TBCD: variants seen among roughly 807,000 people sequenced by gnomAD.
The protein encoded by TBCD is tubulin folding cofactor D.
TBCD carries 105 observed loss-of-function variants against 169.3 expected under a neutral mutation model. The observed-to-expected ratio is 0.62, with a 90% CI of 0.53 to 0.73. The LOEUF is 0.73. TBCD is among the 30% of genes least tolerant of loss of function. The pLI is 0.00. For synonymous variants in TBCD, 700 were observed against 643.9 expected (o/e 1.09, Z -1.32); for missense variants, 1,444 against 1,600.1 (o/e 0.90, Z 1.66).
At chr17:82,940,221 G>GCGCGCACA (rs1356825330) in intron 37 of TBCD, among the ~76,000 whole-genome samples, 9 of 131,808 alleles carry the variant, frequency 6.8e-5, no homozygotes, top group African/African-American at 1.8e-4. Context: ...TTGCACGCGC[G>GCGCGCACA]CACACACACA....
rs572136685 is a variant in TBCD at position 82,801,064 on chromosome 17, C to T, written c.950+68C>T. 127 of 1,445,054 alleles carry T rather than the reference C, an allele frequency of 8.8e-5. 1 individual carries two copies. Among genetic ancestry groups the T allele is most frequent in the East Asian group, 7.9e-4 (28 of 35,634 alleles). 89.5% of individuals were successfully genotyped at this position (1,445,054 alleles called of 1,614,324 possible). Reference sequence around the variant, plus strand: ...GGGAGGGGTTGCTGTGGGGGGCAGGCGCCATTGATGAGGGCGGGGCAGGTG... The same window carrying T: ...GGGAGGGGTTGCTGTGGGGGGCAGGTGCCATTGATGAGGGCGGGGCAGGTG... On this transcript the variant is annotated intron_variant, in intron 9 of 38. Transcript: ENST00000355528.
intron 15 of TBCD, among the ~76,000 whole-genome samples, chr17:82,887,322 C>T (rs1440230968): frequency 2.0e-5 from 3 of 152,176 alleles, no homozygotes; most frequent in African/African-American, 4.8e-5. Context: ...CTGTTTCCCT[C>T]TCCTGACCCT....
In TBCD at chr17:82,930,392, G is replaced by A; in HGVS notation, c.2992-130G>A. 1 of 1,377,832 alleles carries A rather than the reference G, an allele frequency of 7.3e-7. No individual in the cohort carries two copies. The highest frequency in any genetic ancestry group is 9.6e-7 in the Non-Finnish European group (1 of 1,037,836). The allele number at this position is 1,377,832 out of a possible 1,614,324, so 85.4% of individuals were successfully genotyped here. On this transcript the variant is annotated intron_variant, in intron 32 of 38. Transcript: ENST00000355528. This position sits in a 1 kb window ranked among gnomAD's most constrained non-coding sequence, Gnocchi z 5.2. ...CTGGCGTCCGCACCAGCCGCTTGGG[G>A]CCAGACCTTCGCGTCTCTGCAGCTC...
At chr17:82,850,348 G>T (rs1252030125) in intron 13 of TBCD, among the ~76,000 whole-genome samples, 1 of 149,032 alleles carries the variant, frequency 6.7e-6, no homozygotes, top group African/African-American at 2.5e-5. Context: ...CTGTGCTGTT[G>T]TTGGCTGTCC....
intron 19 of TBCD, among the ~76,000 whole-genome samples, chr17:82,904,777 C>T (rs1040124256): frequency 3.3e-5 from 5 of 152,150 alleles, no homozygotes; most frequent in Non-Finnish European, 7.3e-5. Flanking sequence ...CTTTCAGCTT[C>T]GTGATCTGTT....
intron 14 of TBCD, among the ~76,000 whole-genome samples, chr17:82,873,567 C>T (rs558160668): frequency 7.4e-4 from 112 of 152,230 alleles, no homozygotes; most frequent in African/African-American, 2.7e-3. Flanking sequence ...CAGCTGGGGC[C>T]GGAGAGAAAA....
chr17:82,827,342 T>C (rs995047377), intron 13 of TBCD, among the ~76,000 whole-genome samples: 5 of 152,120 alleles, frequency 3.3e-5, no homozygotes, highest in African/African-American at 1.2e-4. Flanking sequence ...GTTTCCAGTG[T>C]GTTGGGTGAG....
At position 82,831,737 on chromosome 17, in the gene TBCD, G is replaced by A. The variant is rs1469312318; in HGVS notation, c.1318+16803G>A. 1 of 1,614,156 alleles carries A rather than the reference G, an allele frequency of 6.2e-7. No individual in the cohort carries two copies. Among genetic ancestry groups the A allele is most frequent in the Admixed American group, 1.7e-5 (1 of 60,004 alleles). On this transcript the variant is annotated intron_variant, in intron 13 of 38. Coordinates refer to ENST00000355528, the MANE Select transcript of TBCD (RefSeq NM_005993.5). The surrounding 1 kb of genome is among the most constrained non-coding windows in gnomAD (Gnocchi z 4.6). ...GTGTAAAAGTGAGGCGGGTACTCTGGGATTGTGGGGTGCATGTAAGGGGAA... is the reference window on the plus strand; with the variant it reads ...GTGTAAAAGTGAGGCGGGTACTCTGAGATTGTGGGGTGCATGTAAGGGGAA...
At position 82,764,656 on chromosome 17, in the gene TBCD, TTC is replaced by T. The variant is rs1177537523; in HGVS notation, c.333+597_333+598del. Among the ~76,000 whole-genome samples, 8 of 152,348 alleles carry T rather than the reference TTC, an allele frequency of 5.3e-5. No individual in the cohort carries two copies. In the East Asian group the frequency reaches 9.6e-4, roughly 18 times the overall value. The stretch of plus-strand genomic sequence containing the variant: ...CGAGACTCTGTGGAAATGGAAGTGC[TTC>T]TCACACTTTAATGTGCAGATGAATT... On this transcript the variant is annotated intron_variant, in intron 3 of 38. Transcript: ENST00000355528.
chr17:82,768,529 G>A lies in TBCD; in HGVS notation c.545G>A (p.Arg182Gln), dbSNP rs567077237. ...GNLLTQPGQA[R>Q]MSIMDRILQI... Reference sequence around the variant, plus strand: ...CTCCTCACCCAGCCTGGGCAAGCACGAATGTCCATAATGGACCGTATTCTC... The same window carrying A: ...CTCCTCACCCAGCCTGGGCAAGCACAAATGTCCATAATGGACCGTATTCTC... Residue 182 changes from arginine (R) to glutamine (Q), a missense_variant, in exon 5 of 39, where the codon CGA (arginine) becomes CAA (glutamine). Arg to Gln is a conservative substitution (Grantham distance 43). Transcript: ENST00000355528. 26 of 1,613,984 alleles carry A rather than the reference G, an allele frequency of 1.6e-5. No individual in the cohort carries two copies. Among genetic ancestry groups the A allele is most frequent in the South Asian group, 1.5e-4 (14 of 91,088 alleles).
chr17:82,830,377 G>T lies in TBCD; in HGVS notation c.1318+15443G>T. 5 of 1,612,842 alleles carry T rather than the reference G, an allele frequency of 3.1e-6. No homozygotes were observed. In the African/African-American group the frequency reaches 6.7e-5, roughly 21 times the overall value. ...CCCATCGCCCACCCGGATGTTCCTG[G>T]GGCTGTAGGCCGCCAGCTGGCACAG... On this transcript the variant is annotated intron_variant, in intron 13 of 38. Transcript: ENST00000355528.
chr17:82,838,877 T>C (rs1332006370), intron 13 of TBCD: 5 of 985,462 alleles, frequency 5.1e-6, no homozygotes, highest in Non-Finnish European at 6.0e-6. Context: ...CGCCTCATCC[T>C]GAAACTCCGG....
At chr17:82,758,400 A>AAAAAAAAAAAATAAAT (rs1035939621) in intron 2 of TBCD, among the ~76,000 whole-genome samples, 6 of 100,028 alleles carry the variant, frequency 6.0e-5, no homozygotes, top group Admixed American at 1.4e-4. Flanking sequence ...AAAAAAAAAA[A>AAAAAAAAAAAATAAAT]AAATAAATAA....
At chr17:82,769,876 C>CAA (rs11348436) in intron 5 of TBCD, among the ~76,000 whole-genome samples, 5 of 110,978 alleles carry the variant, frequency 4.5e-5, no homozygotes, top group South Asian at 3.2e-4. Flanking sequence ...GAGTCCATCT[C>CAA]AAAAAAAAAA....
intron 14 of TBCD, among the ~76,000 whole-genome samples, chr17:82,879,574 G>T (rs977096596): frequency 1.3e-5 from 2 of 152,058 alleles, no homozygotes; most frequent in Admixed American, 1.3e-4. Flanking sequence ...AAGTCTGCCG[G>T]TTCCCTCTGT....
chr17:82,800,516 G>T lies in TBCD; in HGVS notation c.818-348G>T, dbSNP rs562859359. On this transcript the variant is annotated intron_variant, in intron 8 of 38. Coordinates refer to ENST00000355528, the MANE Select transcript of TBCD (RefSeq NM_005993.5). ...TCTCCCCGGCCACAGCATGCCCGTG[G>T]CCTGCGTGGTCTCTGTGGCCGCAGG... Among the ~76,000 whole-genome samples the T allele has an allele frequency of 2.0e-4, 30 of 151,682 alleles. 1 individual carries two copies. The highest frequency in any genetic ancestry group is 6.8e-4 in the African/African-American group (28 of 41,334).
chr17:82,888,988 G>C (rs1016444441), intron 15 of TBCD, among the ~76,000 whole-genome samples: 3 of 152,220 alleles, frequency 2.0e-5, no homozygotes, highest in Admixed American at 2.0e-4. Flanking sequence ...AGAACTCGGA[G>C]CCCGGGTGCT....
intron 13 of TBCD, among the ~76,000 whole-genome samples, chr17:82,840,933 C>G (rs944249642): frequency 9.6e-5 from 13 of 135,068 alleles, no homozygotes; most frequent in African/African-American, 3.6e-4. Context: ...TAGGGACGAG[C>G]TGGCCAGGAC....
intron 15 of TBCD, among the ~76,000 whole-genome samples, chr17:82,887,156 T>C (rs1298707262): frequency 2.8e-5 from 3 of 108,706 alleles, no homozygotes; most frequent in African/African-American, 1.4e-4. Context: ...TGTGTGTGTG[T>C]GTGTGTGTGT....
Sources: allele counts gnomAD v4.1 joint callset (sites outside exome capture counted in the v4.1 genomes callset), GRCh38; gene constraint gnomAD v4.1.1; non-coding constraint Gnocchi (gnomAD v3.1); transcripts MANE v1.5; gene names NCBI Gene and HGNC (gene_info 2026-07-23, HGNC 2026-07-21).